Variants in RAB2A observed in about 807,000 individuals in gnomAD.
RAB2A encodes RAB2A, member RAS oncogene family, also known as ras-related protein Rab-2A.
In RAB2A, 7 loss-of-function variants were observed where a neutral mutation model predicts 32.5. The ratio of observed to expected loss-of-function variants is 0.22; its 90% CI spans 0.12 to 0.40. The LOEUF (loss-of-function observed/expected upper bound fraction) is 0.40. RAB2A is among the 10% of genes least tolerant of loss of function. The pLI is 1.00. For missense variants in RAB2A, 108 were observed against 260.7 expected, an observed-to-expected ratio of 0.41 and a Z score of 4.03; for synonymous variants, 79 against 85.2, an observed-to-expected ratio of 0.93 and a Z score of 0.40.
chr8:60,590,363 C>G (rs970647686), intron 5 of RAB2A, among the ~76,000 whole-genome samples: 6 of 151,106 alleles, frequency 4.0e-5, no homozygotes, highest in South Asian at 2.1e-4. Context: ...CCAGGCTTAA[C>G]GCAGTGTCTC....
rs754374202 is a variant in RAB2A at position 60,623,124 on chromosome 8, A to G, written c.*2355A>G. The G allele has an allele frequency of 1.4e-4, 22 of 152,262 alleles. No individual in the cohort carries two copies. The highest frequency in any genetic ancestry group is 3.1e-4 in the Non-Finnish European group (21 of 68,044). 9.4% of individuals were successfully genotyped at this position (152,262 alleles called of 1,614,324 possible). A position where few individuals can be genotyped will look rare whatever the true frequency, so the allele number is the denominator to read the frequency against. On this transcript the variant is annotated 3_prime_UTR_variant, in exon 8 of 8. Transcript: ENST00000262646. ...TGTAACATTCAAAATTGTGATCTTC[A>G]TAAAGACATTGTTACCATTCGTCTT...
At chr8:60,521,874 G>T (rs550781134) in intron 1 of RAB2A, among the ~76,000 whole-genome samples, 1 of 152,082 alleles carries the variant, frequency 6.6e-6, no homozygotes, top group East Asian at 1.9e-4. Flanking sequence ...CACTCACCTC[G>T]GCCTCCTTAA....
At chr8:60,594,975 A>C (rs1004217804) in intron 6 of RAB2A, among the ~76,000 whole-genome samples, 1 of 152,252 alleles carries the variant, frequency 6.6e-6, no homozygotes, top group Non-Finnish European at 1.5e-5. Flanking sequence ...GCAGAAAGAA[A>C]AGAACTATCA....
intron 1 of RAB2A, among the ~76,000 whole-genome samples, chr8:60,529,483 A>G (rs1807443956): frequency 6.6e-6 from 1 of 152,122 alleles, no homozygotes; most frequent in African/African-American, 2.4e-5. Flanking sequence ...TTTGTAAGGT[A>G]TTTATGACCC....
intron 5 of RAB2A, 32 bp from the exon 6 acceptor site, chr8:60,591,826 T>G (rs771550552): frequency 7.4e-7 from 1 of 1,357,974 alleles, no homozygotes; most frequent in South Asian, 1.2e-5. Context: ...CCATGTTGAT[T>G]AGTAATGTGA....
intron 6 of RAB2A, among the ~76,000 whole-genome samples, chr8:60,592,701 G>A (rs1299662614): frequency 6.6e-6 from 1 of 151,990 alleles, no homozygotes; most frequent in African/African-American, 2.4e-5. Context: ...TGAACACAGT[G>A]TATTCTTTTA....
chr8:60,541,759 GTC>G (rs909465959), intron 1 of RAB2A, among the ~76,000 whole-genome samples: 1 of 152,194 alleles, frequency 6.6e-6, no homozygotes, highest in African/African-American at 2.4e-5. Context: ...TTCTTCATAA[GTC>G]TATTTTTAAG....
At chr8:60,584,047 A>G (rs1803808574) in intron 3 of RAB2A, 161 bp from the exon 4 acceptor site, 1 of 586,788 alleles carries the variant, frequency 1.7e-6, no homozygotes, top group Admixed American at 2.7e-5. Context: ...CTTGAGCAAT[A>G]GCGGTGTTTT....
intron 2 of RAB2A, among the ~76,000 whole-genome samples, chr8:60,570,744 A>G (rs1388598184): frequency 2.0e-5 from 3 of 152,138 alleles, no homozygotes; most frequent in Non-Finnish European, 2.9e-5. Flanking sequence ...CTTGGTATTC[A>G]TTAGGCCTGT....
chr8:60,547,686 G>T (rs1459753060), intron 1 of RAB2A, among the ~76,000 whole-genome samples: 1 of 122,958 alleles, frequency 8.1e-6, no homozygotes, highest in African/African-American at 2.9e-5. Context: ...GGACGGGGCG[G>T]CTGGCCGGGC....
At chr8:60,521,272 A>G (rs1807298060) in intron 1 of RAB2A, among the ~76,000 whole-genome samples, 1 of 152,194 alleles carries the variant, frequency 6.6e-6, no homozygotes, top group East Asian at 1.9e-4. Flanking sequence ...TAGAATGATG[A>G]GTAGGCACCG....
chr8:60,552,125 T>TC (rs55945698), intron 1 of RAB2A: 151,206 of 151,224 alleles, frequency 1, 75,594 homozygotes, highest in Middle Eastern at 1. Context: ...TGCCTCAGCC[T>TC]CCTAGTAACT....
In RAB2A at chr8:60,543,478, C is replaced by T. The variant is rs540173441; in HGVS notation, c.47-15374C>T. On this transcript the variant is annotated intron_variant, in intron 1 of 7. Coordinates refer to ENST00000262646, the MANE Select transcript of RAB2A (RefSeq NM_002865.3). ...GCTTTCTCCCCTGTGTCTTTGTCTC[C>T]TTCTGCCTTTCTCCTAGGACACTTG... Among the ~76,000 whole-genome samples the T allele has an allele frequency of 1.1e-4, 15 of 142,582 alleles. No homozygotes were observed. In the East Asian group the frequency reaches 2.7e-3, roughly 26 times the overall value. 93.5% of individuals were successfully genotyped at this position (142,582 alleles called of 152,430 possible).
chr8:60,587,730 C>T (rs1563479022), intron 5 of RAB2A, among the ~76,000 whole-genome samples: 1 of 151,820 alleles, frequency 6.6e-6, no homozygotes, highest in East Asian at 1.9e-4. Flanking sequence ...ATATGTTGTA[C>T]ATGATAAATA....
Position 60,621,783 on chromosome 8 carries a change from T to C in RAB2A, c.*1014T>C, listed in dbSNP as rs1804532153. On this transcript the variant is annotated 3_prime_UTR_variant, in exon 8 of 8. Transcript: ENST00000262646. Reference sequence around the variant, plus strand: ...GTACAGTGACTGTGTAAAATTTTTCTTTCAGTGGCAACCTCTATAATCTTT... The same window carrying C: ...GTACAGTGACTGTGTAAAATTTTTCCTTCAGTGGCAACCTCTATAATCTTT... The C allele has an allele frequency of 6.6e-6, 1 of 152,206 alleles. No individual in the cohort carries two copies. Among genetic ancestry groups the C allele is most frequent in the Non-Finnish European group, 1.5e-5 (1 of 68,022 alleles). 9.4% of individuals were successfully genotyped at this position (152,206 alleles called of 1,614,324 possible). A position where few individuals can be genotyped will look rare whatever the true frequency, so the allele number is the denominator to read the frequency against.
intron 6 of RAB2A, among the ~76,000 whole-genome samples, chr8:60,614,670 G>T (rs1021955150): frequency 5.9e-5 from 9 of 152,170 alleles, no homozygotes; most frequent in Non-Finnish European, 1.0e-4. Context: ...TGTGGTTACG[G>T]TTGTTTCAAC....
rs774954542 is a variant in RAB2A, at chr8:60,623,492, C to G, written c.*2723C>G. On this transcript the variant is annotated 3_prime_UTR_variant, in exon 8 of 8. Transcript: ENST00000262646. ...GTTTGACTATATGAGCTAAAAGATACACAAAGAGATAACGCTGTTTCATAA... is the reference window on the plus strand; with the variant it reads ...GTTTGACTATATGAGCTAAAAGATAGACAAAGAGATAACGCTGTTTCATAA... The G allele has an allele frequency of 7.9e-5, 12 of 152,112 alleles. No individual in the cohort carries two copies. Among genetic ancestry groups the G allele is most frequent in the African/African-American group, 2.7e-4 (11 of 41,392 alleles). 9.4% of individuals were successfully genotyped at this position (152,112 alleles called of 1,614,324 possible). A position where few individuals can be genotyped will look rare whatever the true frequency, so the allele number is the denominator to read the frequency against.
chr8:60,566,093 A>G (rs1808108949), intron 2 of RAB2A, among the ~76,000 whole-genome samples: 1 of 152,158 alleles, frequency 6.6e-6, no homozygotes, highest in African/African-American at 2.4e-5. Flanking sequence ...AAATCTGGAG[A>G]AAGTTAAATT....
At chr8:60,525,941 GTC>G (rs1201869551) in intron 1 of RAB2A, among the ~76,000 whole-genome samples, 3 of 141,196 alleles carry the variant, frequency 2.1e-5, no homozygotes, top group Non-Finnish European at 4.6e-5. Context: ...ATATATATAT[GTC>G]TATATATGTA....
Sources: gnomAD v4.1 joint callset for allele counts (sites outside exome capture counted in the v4.1 genomes callset) on GRCh38, gnomAD v4.1.1 for gene constraint, MANE v1.5 for transcripts, NCBI Gene and HGNC (gene_info 2026-07-23, HGNC 2026-07-21) for gene names.